Variants in PCDHA1 observed in about 807,000 individuals in gnomAD.
PCDHA1 encodes the protein protocadherin alpha-1.
Under a neutral mutation model 61.3 loss-of-function variants are expected in PCDHA1, and 42 were observed. That is an observed-to-expected ratio of 0.69 (90% CI 0.54 to 0.89). PCDHA1 has a LOEUF of 0.89. PCDHA1 is among the 40% of genes least tolerant of loss of function. PCDHA1 has a pLI of 0.00. For synonymous variants in PCDHA1, 610 were observed against 553.8 expected, an observed-to-expected ratio of 1.10 and a Z score of -1.43; for missense variants, 1,256 against 1,235.3, an observed-to-expected ratio of 1.02 and a Z score of -0.25.
intron 1 of PCDHA1, among the ~76,000 whole-genome samples, chr5:140,895,125 G>T (rs1165797883): frequency 2.0e-5 from 3 of 152,068 alleles, no homozygotes; most frequent in African/African-American, 7.2e-5. Flanking sequence ...TTTGTTAGTT[G>T]ACAAGTTCAT....
chr5:140,805,922 T>C (rs1554123492), intron 1 of PCDHA1, among the ~76,000 whole-genome samples: 1 of 152,162 alleles, frequency 6.6e-6, no homozygotes, highest in Non-Finnish European at 1.5e-5. Context: ...ATTTAGGAAA[T>C]ATTAGGTAAG....
At chr5:140,841,683 T>C in intron 1 of PCDHA1, 1 of 1,613,816 alleles carries the variant, frequency 6.2e-7, no homozygotes, top group South Asian at 1.1e-5. Flanking sequence ...CATGTGGACG[T>C]GGAGGTGAAG....
chr5:140,841,114 T>C (rs2150311282), intron 1 of PCDHA1: 5 of 610,018 alleles, frequency 8.2e-6, no homozygotes, highest in Non-Finnish European at 1.4e-5. Flanking sequence ...AAGTAATTCA[T>C]GTAATCATTA....
intron 1 of PCDHA1, chr5:140,795,219 T>C (rs781997514): frequency 6.2e-7 from 1 of 1,614,202 alleles, no homozygotes; most frequent in Middle Eastern, 1.7e-4. Flanking sequence ...GCATTTTGTT[T>C]GTGAATTCTC....
intron 1 of PCDHA1, chr5:140,821,992 C>T (rs2150112812): frequency 1.2e-6 from 2 of 1,614,186 alleles, no homozygotes; most frequent in East Asian, 2.2e-5. Flanking sequence ...CCGCGGGGAC[C>T]TTCTGGAGGT....
chr5:140,827,104 T>A (rs1424454737), intron 1 of PCDHA1, among the ~76,000 whole-genome samples: 1 of 152,180 alleles, frequency 6.6e-6, no homozygotes, highest in Non-Finnish European at 1.5e-5. Flanking sequence ...AGTCAGCATG[T>A]ATAGGTGAAA....
intron 1 of PCDHA1, chr5:140,841,294 A>G (rs2150312658): frequency 8.3e-6 from 13 of 1,563,188 alleles, no homozygotes; most frequent in African/African-American, 1.4e-5. Context: ...TTAAGATAAT[A>G]TTTTCTGATA....
chr5:140,937,588 G>T (rs1414065719), intron 1 of PCDHA1, among the ~76,000 whole-genome samples: 1 of 151,364 alleles, frequency 6.6e-6, no homozygotes, highest in African/African-American at 2.4e-5. Context: ...CTGCACTCTA[G>T]CCTGGGCAAC....
chr5:140,837,615 C>CCCTTCCTT (rs528339826), intron 1 of PCDHA1, among the ~76,000 whole-genome samples: 3 of 145,806 alleles, frequency 2.1e-5, no homozygotes, highest in Admixed American at 6.9e-5. Context: ...TATAATTTGC[C>CCCTTCCTT]CCTTCCTTCC....
chr5:140,823,517 C>G (rs1164371267), intron 1 of PCDHA1: 14 of 1,613,476 alleles, frequency 8.7e-6, no homozygotes, highest in South Asian at 1.1e-5. Flanking sequence ...GAGCTGGTGC[C>G]GAGGTCAGTG....
intron 1 of PCDHA1, chr5:140,967,709 G>A (rs1554229820): frequency 3.1e-6 from 5 of 1,614,022 alleles, no homozygotes; most frequent in Admixed American, 3.3e-5. Flanking sequence ...TGCCAGTACC[G>A]GGGAAGTGCG....
At chr5:140,865,343 A>T (rs1386264377) in intron 1 of PCDHA1, 1 of 152,216 alleles carries the variant, frequency 6.6e-6, no homozygotes, top group Non-Finnish European at 1.5e-5. Flanking sequence ...AAGAAATAGT[A>T]TATTTACATA....
At chr5:140,927,288 C>T (rs917590577) in intron 1 of PCDHA1, 1 of 1,614,196 alleles carries the variant, frequency 6.2e-7, no homozygotes, top group Non-Finnish European at 8.5e-7. Context: ...TGCAGCTGCA[C>T]ATCCCCGAGT....
At chr5:140,832,341 G>A (rs1771938364) in intron 1 of PCDHA1, among the ~76,000 whole-genome samples, 1 of 152,184 alleles carries the variant, frequency 6.6e-6, no homozygotes, top group South Asian at 2.1e-4. Flanking sequence ...CTGAGTTGTG[G>A]TTTGTGTTTC....
At chr5:140,969,760 C>T (rs1166018588) in intron 1 of PCDHA1, among the ~76,000 whole-genome samples, 1 of 152,194 alleles carries the variant, frequency 6.6e-6, no homozygotes, top group Non-Finnish European at 1.5e-5. Flanking sequence ...TTAAAAAGCT[C>T]TGAGGCCTCT....
intron 3 of PCDHA1, among the ~76,000 whole-genome samples, chr5:141,007,067 G>A (rs1352139121): frequency 1.3e-5 from 2 of 152,164 alleles, no homozygotes; most frequent in African/African-American, 4.8e-5. Flanking sequence ...AAAGGAGAGA[G>A]TGAAGAGAAA....
intron 1 of PCDHA1, chr5:140,803,096 G>T (rs781996568): frequency 6.2e-7 from 1 of 1,613,880 alleles, no homozygotes; most frequent in South Asian, 1.1e-5. Flanking sequence ...AGATCAGCAC[G>T]ACCCGTGCCC....
chr5:140,802,041 A>G, intron 1 of PCDHA1: 1 of 1,614,210 alleles, frequency 6.2e-7, no homozygotes, highest in Non-Finnish European at 8.5e-7. Context: ...GTATTCTTTC[A>G]ATACGGACAT....
At chr5:140,915,770 A>G (rs1215607027) in intron 1 of PCDHA1, among the ~76,000 whole-genome samples, 4 of 151,908 alleles carry the variant, frequency 2.6e-5, no homozygotes, top group African/African-American at 4.8e-5. Context: ...GTCTTGTCCA[A>G]GGCCTGCTGT....
Sources: allele counts gnomAD v4.1 joint callset (sites outside exome capture counted in the v4.1 genomes callset), GRCh38; gene constraint gnomAD v4.1.1; transcripts MANE v1.5; gene names NCBI Gene and HGNC (gene_info 2026-07-23, HGNC 2026-07-21).